ADGRG6: variants seen among roughly 807,000 people sequenced by gnomAD.
ADGRG6 encodes the protein adhesion G protein-coupled receptor G6, also known as G-protein coupled receptor 126.
Under a neutral mutation model 142.4 loss-of-function variants are expected in ADGRG6, and 84 were observed. That is an observed-to-expected ratio of 0.59 (90% CI 0.49 to 0.71). The LOEUF (loss-of-function observed/expected upper bound fraction) is 0.71. ADGRG6 is among the 30% of genes least tolerant of loss of function. The pLI, the probability that ADGRG6 is intolerant of heterozygous loss-of-function variation, is 0.00. For missense variants in ADGRG6, 1,367 were observed against 1,466.6 expected, an observed-to-expected ratio of 0.93 and a Z score of 1.11; for synonymous variants, 521 against 520.5, an observed-to-expected ratio of 1.00 and a Z score of -0.01.
At chr6:142,436,579 T>C (rs972392283) in intron 22 of ADGRG6, among the ~76,000 whole-genome samples, 7 of 152,090 alleles carry the variant, frequency 4.6e-5, no homozygotes, top group African/African-American at 1.7e-4. Flanking sequence ...AATAAAGAGA[T>C]TGAAGCTGGA....
rs1583044721 is a variant in ADGRG6 at position 142,367,695 on chromosome 6, A to G, written c.230A>G (p.Tyr77Cys). The G allele has an allele frequency of 6.2e-7, 1 of 1,613,902 alleles. No individual in the cohort carries two copies. Among genetic ancestry groups the G allele is most frequent in the Non-Finnish European group, 8.5e-7 (1 of 1,179,824 alleles). The change falls in exon 3 of 25, where the codon TAT becomes TGT. Residue 77 changes from tyrosine to cysteine, a missense_variant. By Grantham distance (194) the Tyr-to-Cys change is radical. Transcript: ENST00000367609. ...CMWTLRAPTG[Y>C]IIQITFNDFD... ...TGGACGCTCCGAGCCCCCACCGGTT[A>G]TATCATTCAGATAACATTTAACGAC... is the stretch of plus-strand genomic sequence containing the variant.
rs977169984 is a variant in ADGRG6 at position 142,365,349 on chromosome 6, T to C, written c.104-2220T>C. 5.3e-5 allele frequency among the ~76,000 whole-genome samples: 8 copies of C among 152,326 alleles called. No homozygotes were observed. The South Asian group carries it at 1.4e-3, about 28-fold the overall frequency. ...GAGTCTTTCTTTAATTTAGGCATGG[T>C]TCCCTTCATTTAAGCTACTCATTTG... On this transcript the variant is annotated intron_variant, in intron 2 of 24. Transcript: ENST00000367609.
chr6:142,416,169 A>G (rs977111286), intron 20 of ADGRG6, 105 bp downstream of exon 20: 9 of 782,522 alleles, frequency 1.2e-5, no homozygotes, highest in Non-Finnish European at 1.6e-5. Flanking sequence ...ATTAAGAGGA[A>G]CCTCAAAATT....
At chr6:142,373,202 C>A (rs576601024) in intron 4 of ADGRG6, among the ~76,000 whole-genome samples, 5 of 152,180 alleles carry the variant, frequency 3.3e-5, no homozygotes, top group Non-Finnish European at 7.4e-5. Flanking sequence ...CTGTGCTCTT[C>A]TAACCAGTAT....
At position 142,384,196 on chromosome 6, in the gene ADGRG6, C is replaced by T. The variant is rs562849911; in HGVS notation, c.1222+353C>T. 4.9e-4 allele frequency among the ~76,000 whole-genome samples: 75 copies of T among 152,012 alleles called. 1 individual carries two copies. In the Middle Eastern group the frequency reaches 0.017, roughly 34 times the overall value. Reference sequence around the variant, plus strand: ...TGGTATTTTGTCAGATTATTTGCTGCAGGAAACAAGTTTTAAAGGATTTTA... The same window carrying T: ...TGGTATTTTGTCAGATTATTTGCTGTAGGAAACAAGTTTTAAAGGATTTTA... On this transcript the variant is annotated intron_variant, in intron 6 of 24. Coordinates refer to ENST00000367609, the MANE Select transcript of ADGRG6 (RefSeq NM_198569.3).
In ADGRG6 at chr6:142,332,731, A is replaced by C. The variant is rs567687606; in HGVS notation, c.103+23087A>C. Among the ~76,000 whole-genome samples the C allele has an allele frequency of 2.6e-5, 4 of 152,326 alleles. No homozygotes were observed. In the East Asian group the frequency reaches 7.7e-4, roughly 29 times the overall value. On this transcript the variant is annotated intron_variant, in intron 2 of 24. Transcript: ENST00000367609. ...GATTGTGTTTATCTTTTAGACATCTATTGTTATCTTTGGGATTTTAAGTTA... is the reference window on the plus strand; with the variant it reads ...GATTGTGTTTATCTTTTAGACATCTCTTGTTATCTTTGGGATTTTAAGTTA...
intron 3 of ADGRG6, among the ~76,000 whole-genome samples, chr6:142,368,293 G>A (rs1285742006): frequency 6.6e-6 from 1 of 152,072 alleles, no homozygotes; most frequent in Non-Finnish European, 1.5e-5. Flanking sequence ...TCCTTTTAAG[G>A]AACTATGGTA....
In ADGRG6 at chr6:142,402,623, A is replaced by G. The variant is rs1775577526; in HGVS notation, c.1748A>G (p.Glu583Gly). The change falls in exon 13 of 25, where the codon GAA becomes GGA. Residue 583 changes from glutamate (E) to glycine (G), a missense_variant. Physicochemically the swap from Glu to Gly is moderately conservative, Grantham distance 98. Around this residue, in one of 3 missense-constraint regions of ADGRG6, gnomAD observed 737 missense variants for 746.5 expected, o/e 0.99. Transcript: ENST00000367609. ...TTTTCTTCTGCCTTTGTTTTAGAAG[A>G]AGCAAATGAAGTTGCTAACCAGATT... ...GPVDISNCLK[E>G]ANEVANQILN... The G allele has an allele frequency of 2.6e-6, 4 of 1,546,028 alleles. No individual in the cohort carries two copies. Among genetic ancestry groups the G allele is most frequent in the African/African-American group, 1.4e-5 (1 of 73,630 alleles).
chr6:142,368,156 G>A (rs1375885936), intron 3 of ADGRG6, among the ~76,000 whole-genome samples: 4 of 152,270 alleles, frequency 2.6e-5, no homozygotes, highest in Non-Finnish European at 5.9e-5. Context: ...AACATTTAAA[G>A]GCTGCTTGGA....
chr6:142,322,199 A>G (rs563505225), intron 2 of ADGRG6, among the ~76,000 whole-genome samples: 10 of 152,230 alleles, frequency 6.6e-5, no homozygotes, highest in African/African-American at 2.2e-4. Context: ...CAGTAGTCCT[A>G]GACCAGTCCA....
At chr6:142,338,345 A>G (rs2114705369) in intron 2 of ADGRG6, among the ~76,000 whole-genome samples, 1 of 151,776 alleles carries the variant, frequency 6.6e-6, no homozygotes, top group African/African-American at 2.4e-5. Flanking sequence ...GAAATTAAGG[A>G]GACTAAATCT....
chr6:142,438,087 C>T lies in ADGRG6; in HGVS notation c.3422-125C>T, dbSNP rs114996926. 215 of 596,542 alleles carry T rather than the reference C, an allele frequency of 3.6e-4. No individual in the cohort carries two copies. The African/African-American group carries it at 3.8e-3, about 11-fold the overall frequency. 37.0% of individuals were successfully genotyped at this position (596,542 alleles called of 1,614,324 possible). On this transcript the variant is annotated intron_variant, in intron 23 of 24. Coordinates refer to ENST00000367609, the MANE Select transcript of ADGRG6 (RefSeq NM_198569.3). ...TATTGTTTACATGTCAGTCTCTTCT[C>T]TGAGCCATTGCCAGCATATCAGAAA...
At chr6:142,355,488 TAATC>T (rs1780400464) in intron 2 of ADGRG6, among the ~76,000 whole-genome samples, 1 of 152,136 alleles carries the variant, frequency 6.6e-6, no homozygotes, top group Non-Finnish European at 1.5e-5. Flanking sequence ...AGCTAAATGG[TAATC>T]AAGAGCATAG....
At chr6:142,393,740 CCTAGCTTTCTGAAAGAAG>C (rs1405046513) in intron 8 of ADGRG6, among the ~76,000 whole-genome samples, 138 bp from the exon 9 acceptor site, 1 of 152,116 alleles carries the variant, frequency 6.6e-6, no homozygotes, top group African/African-American at 2.4e-5. Flanking sequence ...CACACAGTTG[CCTAGCTTTCTGAAAGAAG>C]CTAGAACCTC....
chr6:142,354,682 A>G (rs927942469), intron 2 of ADGRG6, among the ~76,000 whole-genome samples: 1 of 152,340 alleles, frequency 6.6e-6, no homozygotes. Context: ...GATCCCTAAA[A>G]GGGACGTATT....
At chr6:142,322,702 G>A (rs1778575773) in intron 2 of ADGRG6, among the ~76,000 whole-genome samples, 1 of 152,056 alleles carries the variant, frequency 6.6e-6, no homozygotes, top group Admixed American at 6.6e-5. Flanking sequence ...ATAATAAAAA[G>A]TAGAGATAAA....
In ADGRG6 at chr6:142,302,164, G is replaced by A; in HGVS notation, c.-166G>A. The A allele has an allele frequency of 4.4e-6, 3 of 684,746 alleles. No homozygotes were observed. The highest frequency in any genetic ancestry group is 1.8e-5 in the African/African-American group (1 of 54,308). 42.4% of individuals were successfully genotyped at this position (684,746 alleles called of 1,614,324 possible). On this transcript the variant is annotated 5_prime_UTR_variant, in exon 1 of 25. Transcript: ENST00000367609. The stretch of plus-strand genomic sequence containing the variant: ...CCGCGCCCAGGGTTCACCTTGCGCC[G>A]TCGGGAAAGCCCATGAACTCTCCAG...
rs148138889 is a variant in ADGRG6, at chr6:142,436,688, A to C, written c.3320-746A>C. On this transcript the variant is annotated intron_variant, in intron 22 of 24. Coordinates refer to ENST00000367609, the MANE Select transcript of ADGRG6 (RefSeq NM_198569.3). ...TAATGGACATAACCAAGTATAGAGGAATCAAGAGAAAGATCGATGATGCCT... is the reference window on the plus strand; with the variant it reads ...TAATGGACATAACCAAGTATAGAGGCATCAAGAGAAAGATCGATGATGCCT... Among the ~76,000 whole-genome samples the C allele has an allele frequency of 4.9e-3, 743 of 152,346 alleles. 6 individuals carry two copies. The highest frequency in any genetic ancestry group is 0.017 in the African/African-American group (705 of 41,578).
intron 4 of ADGRG6, among the ~76,000 whole-genome samples, chr6:142,380,156 A>T (rs1781698570): frequency 6.6e-6 from 1 of 152,186 alleles, no homozygotes; most frequent in Admixed American, 6.5e-5. Context: ...AGATTTTTTC[A>T]TGCAGATGAA....
Sources: gnomAD v4.1 joint callset for allele counts (sites outside exome capture counted in the v4.1 genomes callset) on GRCh38, gnomAD v4.1.1 for gene constraint, gnomAD v4.1.1 regional missense constraint, MANE v1.5 for transcripts, NCBI Gene and HGNC (gene_info 2026-07-23, HGNC 2026-07-21) for gene names.